Variants in CRACR2A observed in about 807,000 individuals in gnomAD.
CRACR2A encodes EF-hand calcium-binding domain-containing protein 4B.
Under a neutral mutation model 90.5 loss-of-function variants are expected in CRACR2A, and 79 were observed. The observed-to-expected ratio is 0.87, with a 90% CI of 0.73 to 1.05. CRACR2A has a LOEUF of 1.05. Ranked by LOEUF, CRACR2A falls within the 50% of genes least tolerant of loss-of-function variation. The probability of loss-of-function intolerance (pLI) is 0.00; values close to 1 mark genes in which losing one functional copy is unlikely to be tolerated. For synonymous variants in CRACR2A, 338 were observed against 356.7 expected, an observed-to-expected ratio of 0.95 and a Z score of 0.59; for missense variants, 823 against 897.2, an observed-to-expected ratio of 0.92 and a Z score of 1.06.
intron 1 of CRACR2A, among the ~76,000 whole-genome samples, chr12:3,748,740 G>A (rs1004285657): frequency 1.3e-5 from 2 of 152,174 alleles, no homozygotes; most frequent in Non-Finnish European, 2.9e-5. Flanking sequence ...AACACCTGAG[G>A]CCAAGACTCA....
In CRACR2A at chr12:3,639,676, C is replaced by G. The variant is rs563884780; in HGVS notation, c.1272-1222G>C. ...TAGAAAGGAAAAAGAAAAAAAAATG[C>G]AGGTATCACCATCCTGAAATTAACT... On this transcript the variant is annotated intron_variant, in intron 13 of 19. Coordinates refer to ENST00000440314, the MANE Select transcript of CRACR2A (RefSeq NM_001144958.2). 2.6e-5 allele frequency among the ~76,000 whole-genome samples: 4 copies of G among 152,182 alleles called. No individual in the cohort carries two copies. The East Asian group carries it at 7.7e-4, about 29-fold the overall frequency.
intron 12 of CRACR2A, 54 bp from the exon 13 acceptor site, chr12:3,641,892 A>T: frequency 3.4e-6 from 5 of 1,479,240 alleles, no homozygotes; most frequent in Non-Finnish European, 4.6e-6. Context: ...CGATGTTTGA[A>T]CAGAAAAGGG....
At chr12:3,616,169 T>G (rs1867677553) in intron 19 of CRACR2A, among the ~76,000 whole-genome samples, 1 of 152,242 alleles carries the variant, frequency 6.6e-6, no homozygotes, top group African/African-American at 2.4e-5. Flanking sequence ...AATGTTTCCT[T>G]GTGATACTCC....
intron 11 of CRACR2A, among the ~76,000 whole-genome samples, chr12:3,645,346 G>A (rs1453648349): frequency 6.6e-6 from 1 of 152,226 alleles, no homozygotes; most frequent in Non-Finnish European, 1.5e-5. Context: ...CACCTAGTGT[G>A]AGCAAGAAAT....
At chr12:3,730,858 T>C (rs1946349767) in intron 2 of CRACR2A, 1 of 152,224 alleles carries the variant, frequency 6.6e-6, no homozygotes, top group South Asian at 2.1e-4. Flanking sequence ...GACTGGCCAA[T>C]GGAGGCAGGG....
intron 7 of CRACR2A, among the ~76,000 whole-genome samples, chr12:3,670,098 T>C (rs1265382690): frequency 6.6e-6 from 1 of 152,208 alleles, no homozygotes; most frequent in African/African-American, 2.4e-5. Flanking sequence ...AGAGGGACTC[T>C]ATGTTCCCTT....
rs770936398 is a variant in CRACR2A at position 3,656,307 on chromosome 12, A to G, written c.858+4T>C. ...GTACTCTGGGGCCATGGATGGCAAC[A>G]TACCCTTTTCTGCTTCTGGGTGAGC... is the stretch of plus-strand genomic sequence containing the variant. On this transcript the variant is annotated splice_donor_region_variant and intron_variant, in intron 9 of 19. Transcript: ENST00000440314. 2 of 1,614,090 alleles carry G rather than the reference A, an allele frequency of 1.2e-6. No homozygotes were observed. The highest frequency in any genetic ancestry group is 1.7e-6 in the Non-Finnish European group (2 of 1,180,004).
At chr12:3,720,416 G>GAAGAAAGAAAGAAAGAAAGA (rs554793478) in intron 2 of CRACR2A, among the ~76,000 whole-genome samples, 4,162 of 106,578 alleles carry the variant, frequency 0.039, 150 homozygotes, top group East Asian at 0.048. Context: ...TGAGAGAGAG[G>GAAGAAAGAAAGAAAGAAAGA]AAGAAAGAAA....
At chr12:3,618,462 C>A (rs1867739272) in intron 18 of CRACR2A, among the ~76,000 whole-genome samples, 1 of 152,160 alleles carries the variant, frequency 6.6e-6, no homozygotes, top group South Asian at 2.1e-4. Context: ...GTTTTCAGAG[C>A]TTTTTGGATT....
At chr12:3,744,328 A>C (rs148941913) in intron 1 of CRACR2A, among the ~76,000 whole-genome samples, 164 of 152,366 alleles carry the variant, frequency 1.1e-3, no homozygotes, top group African/African-American at 3.8e-3. Flanking sequence ...GAAGAATCCT[A>C]ATGGAACATG....
intron 4 of CRACR2A, among the ~76,000 whole-genome samples, chr12:3,687,950 CT>C (rs944481757): frequency 2.0e-5 from 3 of 152,016 alleles, no homozygotes; most frequent in East Asian, 1.9e-4. Flanking sequence ...CAGTGATGAC[CT>C]TTTTTTCATA....
chr12:3,655,094 C>T (rs772640932), intron 9 of CRACR2A, among the ~76,000 whole-genome samples: 1 of 152,170 alleles, frequency 6.6e-6, no homozygotes, highest in Non-Finnish European at 1.5e-5. Context: ...AACCAAGGTA[C>T]ATATATCATA....
At chr12:3,662,554 T>C (rs1425290183) in intron 7 of CRACR2A, among the ~76,000 whole-genome samples, 1 of 152,242 alleles carries the variant, frequency 6.6e-6, no homozygotes, top group Non-Finnish European at 1.5e-5. Flanking sequence ...GTCATTTTAA[T>C]CATGGACTGT....
At chr12:3,685,968 CAG>C (rs1286333635) in intron 4 of CRACR2A, among the ~76,000 whole-genome samples, 1 of 152,222 alleles carries the variant, frequency 6.6e-6, no homozygotes, top group Non-Finnish European at 1.5e-5. Context: ...GGCACATACA[CAG>C]TGCATTTCCA....
At chr12:3,657,155 G>A (rs564500094) in intron 8 of CRACR2A, among the ~76,000 whole-genome samples, 25 of 152,348 alleles carry the variant, frequency 1.6e-4, no homozygotes, top group Non-Finnish European at 3.1e-4. Flanking sequence ...CACAACTTGG[G>A]TTCCAGCCCT....
chr12:3,658,716 A>G (rs891443908), intron 8 of CRACR2A, among the ~76,000 whole-genome samples: 2 of 152,178 alleles, frequency 1.3e-5, no homozygotes, highest in African/African-American at 4.8e-5. Context: ...AGCCGGGCTT[A>G]GTGCTGAGCG....
chr12:3,666,470 G>A lies in CRACR2A; in HGVS notation c.672-6816C>T, dbSNP rs574005484. Among the ~76,000 whole-genome samples the A allele has an allele frequency of 3.3e-5, 5 of 152,260 alleles. No individual in the cohort carries two copies. The East Asian group carries it at 9.7e-4, about 29-fold the overall frequency. ...TGGGATATGAAACAAGGATATAGGG[G>A]TGAAGAATTCATTATTCTAATGTAA... On this transcript the variant is annotated intron_variant, in intron 7 of 19. Transcript: ENST00000440314.
intron 3 of CRACR2A, among the ~76,000 whole-genome samples, chr12:3,712,878 G>C (rs780096213): frequency 1.3e-5 from 2 of 152,058 alleles, no homozygotes; most frequent in Non-Finnish European, 2.9e-5. Context: ...ACCAGTGGCT[G>C]AGGAGCAGCT....
At chr12:3,692,273 T>C (rs183575763) in intron 4 of CRACR2A, among the ~76,000 whole-genome samples, 1 of 152,318 alleles carries the variant, frequency 6.6e-6, no homozygotes, top group East Asian at 1.9e-4. Flanking sequence ...GGGCTGATGT[T>C]TCTTTAGTCT....
Sources: allele counts gnomAD v4.1 joint callset (sites outside exome capture counted in the v4.1 genomes callset), GRCh38; gene constraint gnomAD v4.1.1; transcripts MANE v1.5; gene names NCBI Gene and HGNC (gene_info 2026-07-23, HGNC 2026-07-21).